CNTN5: variants seen among roughly 807,000 people sequenced by gnomAD.
CNTN5 encodes the protein contactin 5.
CNTN5 carries 77 observed loss-of-function variants against 129.1 expected under a neutral mutation model. That is an observed-to-expected ratio of 0.60 (90% CI 0.50 to 0.72). The LOEUF is 0.72. CNTN5 is among the 30% of genes least tolerant of loss of function. The pLI, the probability that CNTN5 is intolerant of heterozygous loss-of-function variation, is 0.00. For synonymous variants in CNTN5, 509 were observed against 465.6 expected (o/e 1.09, Z -1.20); for missense variants, 1,478 against 1,328.8 (o/e 1.11, Z -1.75).
chr11:100,016,993 G>A (rs1297830070), intron 9 of CNTN5, among the ~76,000 whole-genome samples: 1 of 151,682 alleles, frequency 6.6e-6, no homozygotes, highest in South Asian at 2.1e-4. Context: ...AAAGATAGTC[G>A]ATGAGAACAT....
chr11:99,228,817 ACT>A (rs1329311381), intron 1 of CNTN5, among the ~76,000 whole-genome samples: 2 of 151,918 alleles, frequency 1.3e-5, no homozygotes, highest in Admixed American at 6.6e-5. Context: ...ATATACATTA[ACT>A]CTTTCTCACA....
rs147858144 is a variant in CNTN5, at chr11:99,256,264, T to C, written c.-209-69082T>C. Among the ~76,000 whole-genome samples the C allele has an allele frequency of 5.6e-3, 857 of 152,222 alleles. 5 individuals carry two copies. Among genetic ancestry groups the C allele is most frequent in the Non-Finnish European group, 9.8e-3 (666 of 68,002 alleles). On this transcript the variant is annotated intron_variant, in intron 1 of 24. Coordinates refer to ENST00000524871, the MANE Select transcript of CNTN5 (RefSeq NM_014361.4). ...GGACATCTAGACCCTTTATAGTGTA[T>C]ACAAATGTCAAGCATTTAGATTTTT... is the stretch of plus-strand genomic sequence containing the variant.
chr11:99,486,464 A>G (rs948710771), intron 2 of CNTN5, among the ~76,000 whole-genome samples: 2 of 151,918 alleles, frequency 1.3e-5, no homozygotes, highest in Non-Finnish European at 2.9e-5. Flanking sequence ...ATATTATTCC[A>G]TTTTAGAACA....
intron 3 of CNTN5, among the ~76,000 whole-genome samples, chr11:99,729,720 TA>T (rs1209914046): frequency 6.6e-6 from 1 of 151,958 alleles, no homozygotes; most frequent in Non-Finnish European, 1.5e-5. Flanking sequence ...TATGCAGCCA[TA>T]AAAAGGAGTG....
chr11:99,188,707 G>A (rs914531484), intron 1 of CNTN5, among the ~76,000 whole-genome samples: 1 of 151,486 alleles, frequency 6.6e-6, no homozygotes, highest in Non-Finnish European at 1.5e-5. Flanking sequence ...GCTTATGCTC[G>A]TTAGTATTTT....
intron 1 of CNTN5, among the ~76,000 whole-genome samples, chr11:99,197,572 T>G (rs970175353): frequency 6.6e-6 from 1 of 152,064 alleles, no homozygotes. Flanking sequence ...AATTTTACAT[T>G]TCCAACATAA....
At chr11:99,515,961 AC>A (rs1428933426) in intron 2 of CNTN5, among the ~76,000 whole-genome samples, 1 of 131,256 alleles carries the variant, frequency 7.6e-6, no homozygotes, top group African/African-American at 3.0e-5. Context: ...AAAAAAAAAA[AC>A]AAAATCATAT....
intron 3 of CNTN5, among the ~76,000 whole-genome samples, chr11:99,654,280 C>G (rs1392413624): frequency 6.6e-6 from 1 of 151,998 alleles, no homozygotes; most frequent in Non-Finnish European, 1.5e-5. Flanking sequence ...ATATGGTAGG[C>G]CAAATCTAAA....
chr11:99,050,794 A>G (rs1212574598), intron 1 of CNTN5, among the ~76,000 whole-genome samples: 1 of 151,844 alleles, frequency 6.6e-6, no homozygotes, highest in Non-Finnish European at 1.5e-5. Context: ...AAAATTGAAT[A>G]TATGTTTTCA....
chr11:99,095,580 TAGG>T (rs1188102522), intron 1 of CNTN5, among the ~76,000 whole-genome samples: 3 of 151,856 alleles, frequency 2.0e-5, no homozygotes, highest in African/African-American at 4.8e-5. Context: ...AAGATAAACG[TAGG>T]AGAAGAGACA....
chr11:100,283,052 C>A (rs1194283251), intron 18 of CNTN5, among the ~76,000 whole-genome samples: 1 of 152,134 alleles, frequency 6.6e-6, no homozygotes, highest in Non-Finnish European at 1.5e-5. Flanking sequence ...GGATCAGGGA[C>A]CCCAAGAGCC....
At chr11:99,984,925 C>G (rs1324323333) in intron 8 of CNTN5, among the ~76,000 whole-genome samples, 1 of 152,104 alleles carries the variant, frequency 6.6e-6, no homozygotes, top group East Asian at 1.9e-4. Flanking sequence ...CAGAAGGGAG[C>G]ATGTGAGTAA....
At chr11:99,464,504 G>A (rs1481831420) in intron 2 of CNTN5, among the ~76,000 whole-genome samples, 1 of 152,138 alleles carries the variant, frequency 6.6e-6, no homozygotes, top group African/African-American at 2.4e-5. Context: ...TATAAAAAAA[G>A]AAGATGTCTA....
chr11:100,207,901 A>T (rs1223358971), intron 15 of CNTN5, among the ~76,000 whole-genome samples: 1 of 152,218 alleles, frequency 6.6e-6, no homozygotes. Context: ...TTTGTAAAAT[A>T]ATCAGGCAGG....
chr11:99,397,951 C>T (rs1941611893), intron 2 of CNTN5, among the ~76,000 whole-genome samples: 1 of 151,702 alleles, frequency 6.6e-6, no homozygotes, highest in Non-Finnish European at 1.5e-5. Context: ...TATATACACG[C>T]CTACAAATAT....
chr11:99,941,373 G>A (rs1484889601), intron 7 of CNTN5, among the ~76,000 whole-genome samples: 1 of 151,672 alleles, frequency 6.6e-6, no homozygotes, highest in Non-Finnish European at 1.5e-5. Context: ...ATGGCACATG[G>A]TAGGGAAACA....
intron 7 of CNTN5, among the ~76,000 whole-genome samples, chr11:99,941,071 T>G (rs1257682503): frequency 2.0e-5 from 3 of 152,120 alleles, no homozygotes; most frequent in African/African-American, 7.2e-5. Context: ...TTTATACGTT[T>G]CATTAATTTT....
chr11:99,949,852 A>T (rs1286228803), intron 7 of CNTN5, among the ~76,000 whole-genome samples: 1 of 152,158 alleles, frequency 6.6e-6, no homozygotes, highest in Non-Finnish European at 1.5e-5. Flanking sequence ...GGATCATGAG[A>T]TGACGCCAGT....
At chr11:100,349,355 T>G (rs905744084) in intron 23 of CNTN5, among the ~76,000 whole-genome samples, 1 of 151,966 alleles carries the variant, frequency 6.6e-6, no homozygotes, top group Non-Finnish European at 1.5e-5. Flanking sequence ...TATTTTATGA[T>G]GCACTTGAAA....
Sources: allele counts gnomAD v4.1 joint callset (sites outside exome capture counted in the v4.1 genomes callset), GRCh38; gene constraint gnomAD v4.1.1; transcripts MANE v1.5; gene names NCBI Gene and HGNC (gene_info 2026-07-23, HGNC 2026-07-21).